Variants in AMPH observed in about 807,000 individuals in gnomAD.
The protein encoded by AMPH is amphiphysin (Stiff-Mann syndrome with breast cancer 128kD autoantigen).
A neutral mutation model predicts 99.1 loss-of-function variants in AMPH; 49 were observed. The ratio of observed to expected loss-of-function variants is 0.49; its 90% CI spans 0.39 to 0.63. The LOEUF is 0.63. Among genes scored for constraint, AMPH ranks in the 20% least tolerant of loss-of-function variants. The pLI, the probability that AMPH is intolerant of heterozygous loss-of-function variation, is 0.00. For missense variants in AMPH, 759 were observed against 863.4 expected (o/e 0.88, Z 1.52); for synonymous variants, 314 against 317.3 (o/e 0.99, Z 0.11).
chr7:38,610,377 GGAAAGGAAAAGA>G (rs1793635416), intron 1 of AMPH, among the ~76,000 whole-genome samples: 1 of 24,186 alleles, frequency 4.1e-5, no homozygotes, highest in African/African-American at 2.2e-4. Flanking sequence ...AGAAAAGAAA[GGAAAGGAAAAGA>G]AAAGAAAAGA....
rs746601589 is a variant in AMPH at position 38,386,549 on chromosome 7, T to C, written c.1981-1624A>G. Among the ~76,000 whole-genome samples the C allele has an allele frequency of 2.4e-4, 36 of 152,320 alleles. 1 individual carries two copies. Among genetic ancestry groups the C allele is most frequent in the Admixed American group, 5.2e-4 (8 of 15,306 alleles). Reference sequence around the variant, plus strand: ...AATTAAATATTAACTGCTTAAAATATGTGGTAGAAAAAGATTTCCTGTCTT... The same window carrying C: ...AATTAAATATTAACTGCTTAAAATACGTGGTAGAAAAAGATTTCCTGTCTT... On this transcript the variant is annotated intron_variant, in intron 20 of 20. Transcript: ENST00000356264.
intron 17 of AMPH, among the ~76,000 whole-genome samples, chr7:38,406,183 A>G (rs1202995811): frequency 2.6e-5 from 4 of 152,186 alleles, no homozygotes; most frequent in African/African-American, 9.6e-5. Flanking sequence ...TAGAGACACA[A>G]CATATCAAAA....
chr7:38,505,329 A>G (rs1015342715), intron 2 of AMPH, among the ~76,000 whole-genome samples: 4 of 152,192 alleles, frequency 2.6e-5, no homozygotes, highest in Admixed American at 2.6e-4. Flanking sequence ...CAGGTGAGGT[A>G]TTCTGTATTT....
At chr7:38,502,181 C>T (rs942633700) in intron 3 of AMPH, among the ~76,000 whole-genome samples, 1 of 152,176 alleles carries the variant, frequency 6.6e-6, no homozygotes, top group Non-Finnish European at 1.5e-5. Flanking sequence ...GTTTTACATA[C>T]TTACGACATC....
chr7:38,585,380 C>T (rs1487502444), intron 1 of AMPH, among the ~76,000 whole-genome samples: 1 of 152,126 alleles, frequency 6.6e-6, no homozygotes, highest in Non-Finnish European at 1.5e-5. Flanking sequence ...GACTTGGCCA[C>T]TAGCTCCCAG....
chr7:38,545,829 C>A (rs1171123877), intron 1 of AMPH, among the ~76,000 whole-genome samples: 1 of 152,136 alleles, frequency 6.6e-6, no homozygotes, highest in Non-Finnish European at 1.5e-5. Flanking sequence ...ACAGATCCAG[C>A]AGGATGTGCG....
At chr7:38,505,686 A>C (rs1023940850) in intron 2 of AMPH, among the ~76,000 whole-genome samples, 2 of 152,132 alleles carry the variant, frequency 1.3e-5, no homozygotes, top group Non-Finnish European at 2.9e-5. Context: ...ATAAAGAGAA[A>C]ATGCTGATGA....
intron 15 of AMPH, among the ~76,000 whole-genome samples, chr7:38,424,430 A>G (rs1785708431): frequency 1.3e-5 from 2 of 152,332 alleles, no homozygotes; most frequent in Admixed American, 1.3e-4. Context: ...TTCATGACAC[A>G]AGAAGAAGAT....
intron 12 of AMPH, among the ~76,000 whole-genome samples, chr7:38,432,617 CA>C (rs1204614719): frequency 6.7e-6 from 1 of 150,092 alleles, no homozygotes; most frequent in Non-Finnish European, 1.5e-5. Flanking sequence ...CACACACACA[CA>C]CACACCTCAT....
At chr7:38,548,791 G>A (rs79589472) in intron 1 of AMPH, among the ~76,000 whole-genome samples, 3,018 of 152,322 alleles carry the variant, frequency 0.02, 114 homozygotes, top group East Asian at 0.14. Flanking sequence ...ACTTGCACAC[G>A]TGAAGAACTG....
rs1791938952 is a variant in AMPH, at chr7:38,570,980, TATTCAATATATATATATTCA to T, written c.70-35989_70-35970del. On this transcript the variant is annotated intron_variant, in intron 1 of 20. Coordinates refer to ENST00000356264, the MANE Select transcript of AMPH (RefSeq NM_001635.4). ...AGAATATATATATAGAATATATATA[TATTCAATATATATATATTCA>T]TATATATAGAATATATATATTCATA... 6.3e-4 allele frequency among the ~76,000 whole-genome samples: 8 copies of T among 12,608 alleles called. 1 individual carries two copies. The highest frequency in any genetic ancestry group is 1.8e-3 in the African/African-American group (6 of 3,262). The allele number at this position is 12,608 out of a possible 152,430, so 8.3% of individuals were successfully genotyped here.
At chr7:38,550,194 T>TA (rs1205041112) in intron 1 of AMPH, among the ~76,000 whole-genome samples, 1 of 152,202 alleles carries the variant, frequency 6.6e-6, no homozygotes, top group Non-Finnish European at 1.5e-5. Flanking sequence ...TTTCCTCCCC[T>TA]AAATCCTTGC....
chr7:38,432,202 C>A lies in AMPH; in HGVS notation c.1145G>T (p.Trp382Leu). The A allele has an allele frequency of 6.2e-7, 1 of 1,612,842 alleles. No homozygotes were observed. Among genetic ancestry groups the A allele is most frequent in the Non-Finnish European group, 8.5e-7 (1 of 1,178,890 alleles). ...THSPMSQTLP[W>L]DLWTTSTDLV... ...TTAGTGGCTTACCGTCCATAGGTCC[C>A]AGGGCAATGTCTGAAAGCAAATAAA... The change falls in exon 13 of 21, where the codon TGG becomes TTG. Residue 382 changes from tryptophan (W) to leucine (L), a missense_variant. Transcript: ENST00000356264.
In AMPH at chr7:38,558,716, C is replaced by T. The variant is rs373890925; in HGVS notation, c.70-23705G>A. Among the ~76,000 whole-genome samples the T allele has an allele frequency of 7.6e-4, 116 of 152,226 alleles. No individual in the cohort carries two copies. The South Asian group carries it at 7.9e-3, about 10-fold the overall frequency. Reference sequence around the variant, plus strand: ...AATTTTCCTATCTCGAAGAAAGTTGCCTTAGAAAGACGCTGATGCTGGTTC... The same window carrying T: ...AATTTTCCTATCTCGAAGAAAGTTGTCTTAGAAAGACGCTGATGCTGGTTC... On this transcript the variant is annotated intron_variant, in intron 1 of 20. Transcript: ENST00000356264.
At chr7:38,567,495 C>A (rs190404978) in intron 1 of AMPH, among the ~76,000 whole-genome samples, 6 of 152,120 alleles carry the variant, frequency 3.9e-5, no homozygotes, top group African/African-American at 1.4e-4. Flanking sequence ...ATGTAACAAA[C>A]CTACACATTG....
intron 1 of AMPH, among the ~76,000 whole-genome samples, chr7:38,625,313 C>T (rs1461086527): frequency 1.3e-5 from 2 of 152,050 alleles, no homozygotes; most frequent in African/African-American, 4.8e-5. Context: ...TATATTGAAC[C>T]TCGAACAATA....
intron 1 of AMPH, among the ~76,000 whole-genome samples, chr7:38,620,784 C>G (rs1275736215): frequency 6.6e-6 from 1 of 152,066 alleles, no homozygotes; most frequent in East Asian, 1.9e-4. Context: ...TTGGAGTTTA[C>G]TGCTGTTGTA....
chr7:38,408,197 C>T (rs551819774), intron 17 of AMPH, among the ~76,000 whole-genome samples: 31 of 152,272 alleles, frequency 2.0e-4, no homozygotes, highest in East Asian at 7.7e-4. Context: ...GGGAGTTCCA[C>T]GGAAATTCTG....
intron 1 of AMPH, among the ~76,000 whole-genome samples, chr7:38,601,127 C>T (rs1480663649): frequency 6.6e-6 from 1 of 152,196 alleles, no homozygotes; most frequent in Non-Finnish European, 1.5e-5. Flanking sequence ...TGCCACCTTA[C>T]CAGCTGTGCC....
Sources: gnomAD v4.1 joint callset for allele counts (sites outside exome capture counted in the v4.1 genomes callset) on GRCh38, gnomAD v4.1.1 for gene constraint, MANE v1.5 for transcripts, NCBI Gene and HGNC (gene_info 2026-07-23, HGNC 2026-07-21) for gene names.